The following PCDHA7 variants were observed in gnomAD, a reference collection of about 807,000 sequenced individuals.
PCDHA7 encodes the protein protocadherin alpha 7.
PCDHA7 carries 37 observed loss-of-function variants against 57.2 expected under a neutral mutation model. The ratio of observed to expected loss-of-function variants is 0.65; its 90% CI spans 0.50 to 0.85. The LOEUF (loss-of-function observed/expected upper bound fraction) is 0.85. Ranked by LOEUF, PCDHA7 falls within the 40% of genes least tolerant of loss-of-function variation. The probability of loss-of-function intolerance (pLI) is 0.00; values close to 1 mark genes in which losing one functional copy is unlikely to be tolerated. For synonymous variants in PCDHA7, 553 were observed against 558.8 expected, an observed-to-expected ratio of 0.99 and a Z score of 0.15; for missense variants, 1,188 against 1,241.8, an observed-to-expected ratio of 0.96 and a Z score of 0.65.
chr5:140,932,261 T>C (rs1554208805), intron 1 of PCDHA7, among the ~76,000 whole-genome samples: 1 of 151,922 alleles, frequency 6.6e-6, no homozygotes, highest in East Asian at 1.9e-4. Context: ...CTCTGAGATA[T>C]AAATTTCTAC....
intron 1 of PCDHA7, chr5:140,968,611 G>A: frequency 6.2e-7 from 1 of 1,614,194 alleles, no homozygotes; most frequent in African/African-American, 1.3e-5. Flanking sequence ...CAGACTCTGG[G>A]CAAAATGCTT....
chr5:140,858,539 T>A (rs62384480), intron 1 of PCDHA7: 78,694 of 1,399,008 alleles, frequency 0.056, 7,001 homozygotes, highest in Non-Finnish European at 0.065. Context: ...TTTGTCTACA[T>A]TCCATTTATG....
Position 140,881,340 on chromosome 5 carries a change from CG to C in PCDHA7, c.2355+44605del, listed in dbSNP as rs1453642152. Reference sequence around the variant, plus strand: ...ATTCTATTTAACCAGGACGCCGATTCGGGCTACAATGCGTGGCTTTCGTATG... The same window carrying C: ...ATTCTATTTAACCAGGACGCCGATTCGGCTACAATGCGTGGCTTTCGTATG... On this transcript the variant is annotated intron_variant, in intron 1 of 3. Coordinates refer to ENST00000525929, the MANE Select transcript of PCDHA7 (RefSeq NM_018910.3). The C allele has an allele frequency of 3.0e-6, 3 of 984,934 alleles. No individual in the cohort carries two copies. The African/African-American group carries it at 5.2e-5, about 17-fold the overall frequency. The allele number at this position is 984,934 out of a possible 1,614,324, so 61.0% of individuals were successfully genotyped here. A position where few individuals can be genotyped will look rare whatever the true frequency, so the allele number is the denominator to read the frequency against.
intron 1 of PCDHA7, among the ~76,000 whole-genome samples, chr5:140,943,498 A>T (rs2093507311): frequency 6.6e-6 from 1 of 152,164 alleles, no homozygotes; most frequent in Admixed American, 6.6e-5. Flanking sequence ...GATGCTATCA[A>T]GGTTCATGGA....
intron 1 of PCDHA7, among the ~76,000 whole-genome samples, chr5:140,942,466 A>G (rs1269455545): frequency 2.0e-5 from 3 of 152,266 alleles, no homozygotes; most frequent in African/African-American, 7.2e-5. Flanking sequence ...TAATACAATC[A>G]AATTCAAGCT....
At chr5:140,952,058 T>C (rs889374877) in intron 1 of PCDHA7, among the ~76,000 whole-genome samples, 1 of 152,096 alleles carries the variant, frequency 6.6e-6, no homozygotes, top group African/African-American at 2.4e-5. Flanking sequence ...ATCTTAAAGC[T>C]CCAAATAATC....
At position 140,877,189 on chromosome 5, in the gene PCDHA7, G is replaced by C. The variant is rs370743077; in HGVS notation, c.2355+40451G>C. ...ACTGCTGGCGACTCCGGCTGGCAGC[G>C]CAGGAGGCGCAGTTAGCGAGTTGGT... On this transcript the variant is annotated intron_variant, in intron 1 of 3. Coordinates refer to ENST00000525929, the MANE Select transcript of PCDHA7 (RefSeq NM_018910.3). The C allele has an allele frequency of 5.1e-5, 82 of 1,613,690 alleles. No homozygotes were observed. Among genetic ancestry groups the C allele is most frequent in the Non-Finnish European group, 6.4e-5 (75 of 1,179,826 alleles).
Position 140,841,491 on chromosome 5 carries a change from C to A in PCDHA7, c.2355+4753C>A, listed in dbSNP as rs2150316592. The stretch of plus-strand genomic sequence containing the variant: ...GCGCAGGACCTGGGGCTGGAGCTGG[C>A]GGAGCTGGTGCCGCGCCTGTTCCGG... On this transcript the variant is annotated intron_variant, in intron 1 of 3. Coordinates refer to ENST00000525929, the MANE Select transcript of PCDHA7 (RefSeq NM_018910.3). 2.8e-5 allele frequency: 45 copies of A among 1,612,948 alleles called. No individual in the cohort carries two copies. Among genetic ancestry groups the A allele is most frequent in the African/African-American group, 1.5e-4 (11 of 74,822 alleles).
intron 1 of PCDHA7, chr5:140,871,156 G>A (rs200268029): frequency 4.7e-5 from 76 of 1,613,328 alleles, no homozygotes; most frequent in Admixed American, 3.0e-4. Context: ...TTTGGCGGGC[G>A]CCGCGAGCCC....
In PCDHA7 at chr5:140,875,579, A is replaced by C. The variant is rs552791418; in HGVS notation, c.2355+38841A>C. ...AGCGGCCAGCTCCACTACTCCGTCTACGAGGAGGCCAAACACGGCACCTTC... is the reference window on the plus strand; with the variant it reads ...AGCGGCCAGCTCCACTACTCCGTCTCCGAGGAGGCCAAACACGGCACCTTC... On this transcript the variant is annotated intron_variant, in intron 1 of 3. Coordinates refer to ENST00000525929, the MANE Select transcript of PCDHA7 (RefSeq NM_018910.3). The C allele has an allele frequency of 9.3e-6, 15 of 1,614,050 alleles. No individual in the cohort carries two copies. Among genetic ancestry groups the C allele is most frequent in the East Asian group, 6.7e-5 (3 of 44,884 alleles).
At chr5:140,869,770 A>G in intron 1 of PCDHA7, 1 of 1,613,216 alleles carries the variant, frequency 6.2e-7, no homozygotes, top group South Asian at 1.1e-5. Flanking sequence ...ACCAGAGCTT[A>G]CTGGCACCGT....
intron 3 of PCDHA7, among the ~76,000 whole-genome samples, chr5:140,996,776 A>G (rs1554255393): frequency 6.6e-6 from 1 of 152,206 alleles, no homozygotes; most frequent in Non-Finnish European, 1.5e-5. Flanking sequence ...TAAAATGAGT[A>G]GTGCCTCACT....
intron 1 of PCDHA7, among the ~76,000 whole-genome samples, chr5:140,891,658 C>T (rs1241439148): frequency 6.6e-6 from 1 of 151,928 alleles, no homozygotes; most frequent in Non-Finnish European, 1.5e-5. Context: ...GATAGTTCAC[C>T]CACCTTAAAG....
At chr5:140,897,656 C>T (rs2153457504) in intron 1 of PCDHA7, among the ~76,000 whole-genome samples, 1 of 152,200 alleles carries the variant, frequency 6.6e-6, no homozygotes, top group Non-Finnish European at 1.5e-5. Flanking sequence ...CATACGTGTG[C>T]ATGTGTCTTT....
intron 1 of PCDHA7, chr5:140,877,641 C>A: frequency 6.2e-7 from 1 of 1,613,592 alleles, no homozygotes; most frequent in Non-Finnish European, 8.5e-7. Flanking sequence ...CGCTGCGTTG[C>A]TCAGCGCCGC....
In PCDHA7 at chr5:140,955,830, T is replaced by G. The variant is rs564870909; in HGVS notation, c.2356-23119T>G. Among the ~76,000 whole-genome samples, 9 of 152,318 alleles carry G rather than the reference T, an allele frequency of 5.9e-5. No individual in the cohort carries two copies. The South Asian group carries it at 1.9e-3, about 32-fold the overall frequency. Reference sequence around the variant, plus strand: ...TGTCCACTGTGATTTCCTTGAGCAGTGGTTTGTCATTCTCCTTGAAGAGGT... The same window carrying G: ...TGTCCACTGTGATTTCCTTGAGCAGGGGTTTGTCATTCTCCTTGAAGAGGT... On this transcript the variant is annotated intron_variant, in intron 1 of 3. Coordinates refer to ENST00000525929, the MANE Select transcript of PCDHA7 (RefSeq NM_018910.3).
chr5:140,862,692 G>C, intron 1 of PCDHA7: 1 of 555,502 alleles, frequency 1.8e-6, no homozygotes, highest in Non-Finnish European at 3.6e-6. Flanking sequence ...TGTCCTACTC[G>C]TTGATGGAAC....
At position 140,857,632 on chromosome 5, in the gene PCDHA7, G is replaced by C; in HGVS notation, c.2355+20894G>C. On this transcript the variant is annotated intron_variant, in intron 1 of 3. Transcript: ENST00000525929. ...AGCCGCTGGACCACGAGGAGCTGGA[G>C]CTGCTACAGTTCCAGGTGAGCGCGC... 1.9e-6 allele frequency: 3 copies of C among 1,596,770 alleles called. 1 individual carries two copies. Among genetic ancestry groups the C allele is most frequent in the Non-Finnish European group, 2.6e-6 (3 of 1,167,764 alleles).
intron 1 of PCDHA7, among the ~76,000 whole-genome samples, chr5:140,977,937 T>C (rs1264352481): frequency 5.3e-5 from 8 of 152,162 alleles, no homozygotes; most frequent in African/African-American, 1.9e-4. Flanking sequence ...TATACCTCAA[T>C]ATTCAGTGAC....
Sources: allele counts gnomAD v4.1 joint callset (sites outside exome capture counted in the v4.1 genomes callset), GRCh38; gene constraint gnomAD v4.1.1; transcripts MANE v1.5; gene names NCBI Gene and HGNC (gene_info 2026-07-23, HGNC 2026-07-21).